The following LOC128092252 variants were observed in gnomAD, a reference collection of about 807,000 sequenced individuals.
chr15:50,648,980 TA>T, the LOC128092252 span: 9 of 841,326 alleles, frequency 1.1e-5, no homozygotes, highest in Non-Finnish European at 1.4e-5. Context: ...ATATAAGCTT[TA>T]AAATTTTTAT....
chr15:50,672,458 A>T, the LOC128092252 span, among the ~76,000 whole-genome samples: 9 of 151,898 alleles, frequency 5.9e-5, no homozygotes, highest in South Asian at 1.9e-3. Flanking sequence ...AACTCCATTC[A>T]TGTTATTGTC....
the LOC128092252 span, among the ~76,000 whole-genome samples, chr15:50,665,598 G>T: frequency 6.6e-6 from 1 of 152,096 alleles, no homozygotes; most frequent in African/African-American, 2.4e-5. Context: ...TAAATTCTTA[G>T]AAGTGAATAA....
chr15:50,658,990 AG>A, the LOC128092252 span, among the ~76,000 whole-genome samples: 1 of 152,038 alleles, frequency 6.6e-6, no homozygotes, highest in African/African-American at 2.4e-5. Context: ...CGAGGTCAGG[AG>A]ATCAAGACCA....
the LOC128092252 span, among the ~76,000 whole-genome samples, chr15:50,680,149 A>C: frequency 6.6e-6 from 1 of 151,964 alleles, no homozygotes; most frequent in African/African-American, 2.4e-5. Context: ...GAGGAGAATC[A>C]CTTGAACCCG....
the LOC128092252 span, among the ~76,000 whole-genome samples, chr15:50,659,408 G>A: frequency 1.3e-5 from 2 of 152,080 alleles, no homozygotes; most frequent in African/African-American, 4.8e-5. Flanking sequence ...GTACTGGAAA[G>A]GAGACTTTCA....
At chr15:50,678,259 A>AC in the LOC128092252 span, among the ~76,000 whole-genome samples, 11 of 136,640 alleles carry the variant, frequency 8.1e-5, no homozygotes, top group Admixed American at 5.2e-4. Context: ...AAACAAAAAC[A>AC]AAAACAAAAA....
chr15:50,677,399 T>C, the LOC128092252 span, among the ~76,000 whole-genome samples: 2 of 151,642 alleles, frequency 1.3e-5, no homozygotes. Flanking sequence ...TCACATTCAG[T>C]ACATAACAAC....
At chr15:50,655,261 C>T in the LOC128092252 span, among the ~76,000 whole-genome samples, 2 of 151,278 alleles carry the variant, frequency 1.3e-5, no homozygotes, top group African/African-American at 4.9e-5. Context: ...AGGTAAAATC[C>T]CATCTCTACT....
chr15:50,686,297 G>T, the LOC128092252 span, among the ~76,000 whole-genome samples: 11 of 152,306 alleles, frequency 7.2e-5, no homozygotes, highest in Non-Finnish European at 1.2e-4. Context: ...CCGAGTCTCG[G>T]CTCAGGGGAT....
At chr15:50,683,826 T>C in the LOC128092252 span, among the ~76,000 whole-genome samples, 12 of 152,084 alleles carry the variant, frequency 7.9e-5, no homozygotes, top group African/African-American at 1.9e-4. Context: ...AGAAAGTACA[T>C]AGTACTATCT....
the LOC128092252 span, among the ~76,000 whole-genome samples, chr15:50,677,758 A>C: frequency 6.7e-6 from 1 of 150,090 alleles, no homozygotes; most frequent in Non-Finnish European, 1.5e-5. Context: ...AAAAAAAAAA[A>C]AACAAAAGGT....
chr15:50,666,418 G>T, the LOC128092252 span, among the ~76,000 whole-genome samples: 1 of 152,048 alleles, frequency 6.6e-6, no homozygotes, highest in Non-Finnish European at 1.5e-5. Context: ...TCCAGCCTGG[G>T]TGACAGAATG....
the LOC128092252 span, among the ~76,000 whole-genome samples, chr15:50,682,440 T>C: frequency 1.3e-5 from 2 of 151,570 alleles, no homozygotes; most frequent in Non-Finnish European, 2.9e-5. Context: ...TAGATGGGCG[T>C]TGTGGTGTGT....
chr15:50,675,340 T>C, the LOC128092252 span, among the ~76,000 whole-genome samples: 2 of 151,000 alleles, frequency 1.3e-5, no homozygotes, highest in South Asian at 4.2e-4. Flanking sequence ...CAAAATTCCA[T>C]TTCAAAAAAA....
At chr15:50,658,517 C>T in the LOC128092252 span, among the ~76,000 whole-genome samples, 1 of 150,976 alleles carries the variant, frequency 6.6e-6, no homozygotes, top group African/African-American at 2.4e-5. Flanking sequence ...CTAAAGTGAG[C>T]CATGATCATG....
the LOC128092252 span, among the ~76,000 whole-genome samples, chr15:50,670,207 A>T: frequency 6.6e-6 from 1 of 151,968 alleles, no homozygotes; most frequent in Admixed American, 6.6e-5. Flanking sequence ...TCCCTCTACA[A>T]CCCTTAGGAT....
the LOC128092252 span, among the ~76,000 whole-genome samples, chr15:50,659,754 G>A: frequency 2.0e-5 from 3 of 151,644 alleles, no homozygotes; most frequent in South Asian, 2.1e-4. Context: ...TGCAACCTCC[G>A]TCTCCTGGAT....
At chr15:50,652,328 CAAAAAAAAAAAAAA>C in the LOC128092252 span, among the ~76,000 whole-genome samples, 29 of 34,230 alleles carry the variant, frequency 8.5e-4, no homozygotes, top group African/African-American at 3.4e-3. Context: ...GACTCCATCT[CAAAAAAAAAAAAAA>C]AAAAAAAAAA....
the LOC128092252 span, among the ~76,000 whole-genome samples, chr15:50,653,497 C>A: frequency 6.6e-6 from 1 of 151,680 alleles, no homozygotes; most frequent in Non-Finnish European, 1.5e-5. Flanking sequence ...TAAATGTGAA[C>A]AAAATATATG....
Sources: allele counts gnomAD v4.1 joint callset (sites outside exome capture counted in the v4.1 genomes callset), GRCh38; gene constraint gnomAD v4.1.1; transcripts MANE v1.5.